The following NAAA variants were observed in gnomAD, a reference collection of about 807,000 sequenced individuals.
NAAA encodes N-acylethanolamine acid amidase.
A neutral mutation model predicts 44.8 loss-of-function variants in NAAA; 39 were observed. The ratio of observed to expected loss-of-function variants is 0.87; its 90% CI spans 0.67 to 1.14. The LOEUF (loss-of-function observed/expected upper bound fraction) is 1.14, where lower values mean the gene tolerates loss of function less well. NAAA is among the 50% of genes most tolerant of loss of function. The pLI is 0.00. For synonymous variants in NAAA, 178 were observed against 191.3 expected, an observed-to-expected ratio of 0.93 and a Z score of 0.58; for missense variants, 460 against 467.8, an observed-to-expected ratio of 0.98 and a Z score of 0.15.
chr4:75,923,194 C>T (rs555653507), intron 5 of NAAA, among the ~76,000 whole-genome samples: 13 of 152,168 alleles, frequency 8.5e-5, no homozygotes, highest in Non-Finnish European at 1.5e-4. Flanking sequence ...AGGCGAGCAC[C>T]ATCACACCCA....
Position 75,920,810 on chromosome 4 carries a change from A to G in NAAA, c.840-10T>C. Reference sequence around the variant, plus strand: ...CTCAACTCGGAACCACCTACAACAGAGCACATCATCTTGTCTTATCCAAGG... The same window carrying G: ...CTCAACTCGGAACCACCTACAACAGGGCACATCATCTTGTCTTATCCAAGG... On this transcript the variant is annotated splice_polypyrimidine_tract_variant and intron_variant, in intron 6 of 10. Transcript: ENST00000286733. 1 of 1,614,196 alleles carries G rather than the reference A, an allele frequency of 6.2e-7. No individual in the cohort carries two copies. Among genetic ancestry groups the G allele is most frequent in the Non-Finnish European group, 8.5e-7 (1 of 1,180,044 alleles).
rs541437988 is a variant in NAAA at position 75,917,756 on chromosome 4, G to A, written c.998+1005C>T. On this transcript the variant is annotated intron_variant, in intron 9 of 10. Coordinates refer to ENST00000286733, the MANE Select transcript of NAAA (RefSeq NM_014435.4). ...GCTGGGATTACAGGCGTGAGCCACCGCACCTGGCCTGCTTTCACTTAAAAA... is the reference window on the plus strand; with the variant it reads ...GCTGGGATTACAGGCGTGAGCCACCACACCTGGCCTGCTTTCACTTAAAAA... 1.5e-3 allele frequency: 576 copies of A among 396,538 alleles called. 1 individual carries two copies. Among genetic ancestry groups the A allele is most frequent in the Non-Finnish European group, 2.4e-3 (494 of 203,262 alleles). 24.6% of individuals were successfully genotyped at this position (396,538 alleles called of 1,614,324 possible).
chr4:75,934,389 C>T (rs1188872039), intron 3 of NAAA, among the ~76,000 whole-genome samples: 1 of 151,896 alleles, frequency 6.6e-6, no homozygotes, highest in South Asian at 2.1e-4. Context: ...GATCTCAGCT[C>T]ACTGCAACCT....
Position 75,931,199 on chromosome 4 carries a change from G to T in NAAA, c.589+15C>A. 5.0e-6 allele frequency: 8 copies of T among 1,605,070 alleles called. No individual in the cohort carries two copies. Among genetic ancestry groups the T allele is most frequent in the Non-Finnish European group, 6.8e-6 (8 of 1,172,412 alleles). ...ATAATGTAGCTAAAATTACACAGGG[G>T]TTTGTTTTGATTACCTCGTTCATCA... On this transcript the variant is annotated intron_variant, in intron 4 of 10. Coordinates refer to ENST00000286733, the MANE Select transcript of NAAA (RefSeq NM_014435.4).
chr4:75,940,206 G>A, intron 1 of NAAA, 41 bp from the exon 2 acceptor site: 1 of 1,590,756 alleles, frequency 6.3e-7, no homozygotes, highest in Non-Finnish European at 8.6e-7. Context: ...CCGCTCAGAG[G>A]TCGGCGGCGT....
intron 10 of NAAA, 109 bp downstream of exon 10, chr4:75,914,759 T>A: frequency 1.5e-6 from 1 of 655,866 alleles, no homozygotes; most frequent in Non-Finnish European, 2.5e-6. Flanking sequence ...GCCAGATGCT[T>A]GTCAGAAAAT....
intron 3 of NAAA, among the ~76,000 whole-genome samples, chr4:75,931,960 T>G (rs1727266541): frequency 6.6e-6 from 1 of 152,244 alleles, no homozygotes; most frequent in African/African-American, 2.4e-5. Flanking sequence ...CCAGGAGCAG[T>G]GGCTCACGCC....
chr4:75,930,558 T>C (rs1470539765), intron 4 of NAAA: 2 of 497,088 alleles, frequency 4.0e-6, no homozygotes, highest in East Asian at 5.5e-5. Flanking sequence ...AACAGCATCA[T>C]ATATCCCCTA....
chr4:75,936,081 T>C, intron 3 of NAAA, 28 bp downstream of exon 3: 1 of 1,612,276 alleles, frequency 6.2e-7, no homozygotes, highest in East Asian at 2.2e-5. Flanking sequence ...TCTTTCTGAT[T>C]TTTTATCTTA....
intron 3 of NAAA, 134 bp from the exon 4 acceptor site, chr4:75,931,438 C>A: frequency 1.7e-6 from 1 of 574,040 alleles, no homozygotes; most frequent in Non-Finnish European, 3.0e-6. Flanking sequence ...CTGAAATAGT[C>A]TTCTAAGACA....
intron 9 of NAAA, among the ~76,000 whole-genome samples, chr4:75,915,515 G>C (rs190833810): frequency 1.1e-3 from 170 of 152,114 alleles, no homozygotes; most frequent in Admixed American, 2.1e-3. Flanking sequence ...ACCTGCCCCT[G>C]TGCTCTCTCT....
intron 5 of NAAA, among the ~76,000 whole-genome samples, chr4:75,925,116 G>C (rs113398427): frequency 1.4e-4 from 22 of 151,792 alleles, no homozygotes; most frequent in African/African-American, 4.3e-4. Context: ...CTCAGCCTCC[G>C]GCTCCGCCTC....
In NAAA at chr4:75,940,873, G is replaced by T; in HGVS notation, c.77C>A (p.Ser26Ter). Residue 26 changes from serine (S) to a stop codon, truncating the protein, a stop_gained, in exon 1 of 11, where the codon TCA becomes TAA. Coordinates refer to ENST00000286733, the MANE Select transcript of NAAA (RefSeq NM_014435.4). LOFTEE classifies it high-confidence loss of function. Reference protein sequence around the residue: ...LLLLLAGAGLSAASPPAAPRF... With the variant: ...LLLLLAGAGL ...CGGCGCTGCTGGGGGCGAGGCGGCT[G>T]ACAGCCCGGCCCCGGCCAGCAGCAG... 6.4e-7 allele frequency: 1 copy of T among 1,569,952 alleles called. No homozygotes were observed.
At chr4:75,916,947 T>C (rs1725680989) in intron 9 of NAAA, 1 of 183,950 alleles carries the variant, frequency 5.4e-6, no homozygotes. Flanking sequence ...GCCTGGCTAA[T>C]TTTTGTATTT....
At chr4:75,940,297 G>T (rs1292587946) in intron 1 of NAAA, 132 bp from the exon 2 acceptor site, 3 of 908,940 alleles carry the variant, frequency 3.3e-6, no homozygotes, top group Non-Finnish European at 4.7e-6. Flanking sequence ...TCAGTGGACC[G>T]CCCAGGCGCG....
chr4:75,927,806 G>A (rs1483232100), intron 4 of NAAA, among the ~76,000 whole-genome samples: 2 of 150,108 alleles, frequency 1.3e-5, no homozygotes, highest in East Asian at 2.0e-4. Flanking sequence ...AAAAAAAAAT[G>A]GGCAAAGGAC....
chr4:75,913,303 C>T (rs977781737), downstream of NAAA, among the ~76,000 whole-genome samples: 1 of 151,838 alleles, frequency 6.6e-6, no homozygotes, highest in African/African-American at 2.4e-5. Flanking sequence ...CTTGCTCTTT[C>T]CCCTTTAAAT....
Position 75,918,778 on chromosome 4 carries a change from C to T in NAAA, c.981G>A (p.Val327=). ...CCACTTACTTGTTATAAACTGGAAC[C>T]ACCGACAAAATCTGCATAGGAAAAA... is the stretch of plus-strand genomic sequence containing the variant. ...SLEALFQILS[V]VPVYNNFTIY... is the part of the protein sequence containing the mutation. Residue 327 remains valine (V), a synonymous_variant, in exon 9 of 11, where the codon GTG becomes GTA. Transcript: ENST00000286733. 2 of 1,612,896 alleles carry T rather than the reference C, an allele frequency of 1.2e-6. No homozygotes were observed. The highest frequency in any genetic ancestry group is 1.7e-6 in the Non-Finnish European group (2 of 1,179,214).
chr4:75,930,461 TA>T (rs1385359943), intron 4 of NAAA: 1 of 517,582 alleles, frequency 1.9e-6, no homozygotes, highest in African/African-American at 1.9e-5. Flanking sequence ...CAGCCCTGCC[TA>T]ACAGGACTGT....
Sources: gnomAD v4.1 joint callset for allele counts (sites outside exome capture counted in the v4.1 genomes callset) on GRCh38, gnomAD v4.1.1 for gene constraint, MANE v1.5 for transcripts, NCBI Gene and HGNC (gene_info 2026-07-23, HGNC 2026-07-21) for gene names.